SLC8A1: variants seen among roughly 807,000 people sequenced by gnomAD.
SLC8A1 encodes the protein solute carrier family 8 member A1.
Under a neutral mutation model 68.3 loss-of-function variants are expected in SLC8A1, and 18 were observed. The observed-to-expected ratio is 0.26, with a 90% CI of 0.18 to 0.39. SLC8A1 has a LOEUF of 0.39. Ranked by LOEUF, SLC8A1 falls within the 10% of genes least tolerant of loss-of-function variation. The pLI, the probability that SLC8A1 is intolerant of heterozygous loss-of-function variation, is 1.00. For synonymous variants in SLC8A1, 475 were observed against 415.5 expected, an observed-to-expected ratio of 1.14 and a Z score of -1.74; for missense variants, 985 against 1,156.7, an observed-to-expected ratio of 0.85 and a Z score of 2.15.
At chr2:40,160,396 A>G (rs888772800) in intron 6 of SLC8A1, among the ~76,000 whole-genome samples, 1 of 152,100 alleles carries the variant, frequency 6.6e-6, no homozygotes, top group African/African-American at 2.4e-5. Flanking sequence ...CTTTCCACCT[A>G]GGATTTTGCT....
chr2:40,313,230 G>C (rs1402608208), intron 2 of SLC8A1, among the ~76,000 whole-genome samples: 1 of 151,962 alleles, frequency 6.6e-6, no homozygotes, highest in Non-Finnish European at 1.5e-5. Flanking sequence ...CTTTCACTCA[G>C]CCTAATTATT....
chr2:40,215,938 A>G (rs2057403308), intron 2 of SLC8A1, among the ~76,000 whole-genome samples: 1 of 151,484 alleles, frequency 6.6e-6, no homozygotes, highest in African/African-American at 2.4e-5. Flanking sequence ...CACTGGTGTC[A>G]TATCTGACAA....
At chr2:40,380,827 GAGGGTTACC>G (rs1452306173) in intron 2 of SLC8A1, among the ~76,000 whole-genome samples, 1 of 152,078 alleles carries the variant, frequency 6.6e-6, no homozygotes, top group Non-Finnish European at 1.5e-5. Context: ...CTACTAAAAT[GAGGGTTACC>G]AGGTGTCCTA....
intron 2 of SLC8A1, among the ~76,000 whole-genome samples, chr2:40,198,110 CA>C (rs1241333681): frequency 4.6e-5 from 7 of 151,764 alleles, no homozygotes; most frequent in Non-Finnish European, 5.9e-5. Context: ...CAACTCTGGT[CA>C]GTTGAAAAAG....
chr2:40,220,124 T>C (rs2058098390), intron 2 of SLC8A1: 1 of 147,266 alleles, frequency 6.8e-6, no homozygotes, highest in African/African-American at 2.5e-5. Context: ...AAAAGGAGAA[T>C]AATTGTTGCT....
At chr2:40,266,876 C>T (rs2065423569) in intron 2 of SLC8A1, among the ~76,000 whole-genome samples, 1 of 152,148 alleles carries the variant, frequency 6.6e-6, no homozygotes, top group Admixed American at 6.6e-5. Context: ...ACAGGCATGA[C>T]TGGCTTATTA....
At chr2:40,372,346 T>C (rs1032579230) in intron 2 of SLC8A1, among the ~76,000 whole-genome samples, 1 of 152,122 alleles carries the variant, frequency 6.6e-6, no homozygotes, top group Non-Finnish European at 1.5e-5. Context: ...TCTGTTAACC[T>C]TGGCAAAATT....
At chr2:40,320,436 T>G (rs544049596) in intron 2 of SLC8A1, among the ~76,000 whole-genome samples, 5 of 152,160 alleles carry the variant, frequency 3.3e-5, no homozygotes, top group Non-Finnish European at 7.4e-5. Flanking sequence ...AAATATAATT[T>G]ACTTTTAATG....
intron 4 of SLC8A1, 155 bp from the exon 8 acceptor site, chr2:40,165,139 G>C (rs1241955745): frequency 2.4e-6 from 2 of 819,396 alleles, no homozygotes; most frequent in African/African-American, 1.7e-5. Context: ...GAGCCAGACA[G>C]ACACTTGGCA....
At chr2:40,444,232 A>G (rs1478464808) in intron 1 of SLC8A1, among the ~76,000 whole-genome samples, 2 of 152,128 alleles carry the variant, frequency 1.3e-5, no homozygotes, top group Non-Finnish European at 2.9e-5. Context: ...CCAGCTACTC[A>G]GGAGGCTGAG....
At chr2:40,177,042 AT>A (rs979011183) in intron 3 of SLC8A1, among the ~76,000 whole-genome samples, 1 of 59,846 alleles carries the variant, frequency 1.7e-5, no homozygotes, top group Non-Finnish European at 4.6e-5. Flanking sequence ...CACTACTTTT[AT>A]TTTTTCTTTT....
intron 6 of SLC8A1, among the ~76,000 whole-genome samples, chr2:40,143,020 C>T (rs974798103): frequency 6.6e-6 from 1 of 151,968 alleles, no homozygotes; most frequent in African/African-American, 2.4e-5. Context: ...TCCAATATCA[C>T]AAAGAATCTT....
intron 2 of SLC8A1, among the ~76,000 whole-genome samples, chr2:40,309,006 T>C (rs562665034): frequency 6.6e-6 from 1 of 152,320 alleles, no homozygotes; most frequent in South Asian, 2.1e-4. Flanking sequence ...GAAATTGCAT[T>C]CATGCAACCT....
intron 1 of SLC8A1, among the ~76,000 whole-genome samples, chr2:40,430,619 T>C (rs1045967199): frequency 2.0e-5 from 3 of 152,200 alleles, no homozygotes; most frequent in African/African-American, 7.2e-5. Flanking sequence ...TCAATTTATA[T>C]AGCCTTGCCT....
chr2:40,372,598 T>G (rs971014981), intron 2 of SLC8A1, among the ~76,000 whole-genome samples: 15 of 152,140 alleles, frequency 9.9e-5, no homozygotes, highest in Non-Finnish European at 1.0e-4. Context: ...TCTTTTTTTC[T>G]CCTTTCTCTA....
intron 2 of SLC8A1, among the ~76,000 whole-genome samples, chr2:40,238,263 T>A (rs532642912): frequency 1.3e-5 from 2 of 152,302 alleles, no homozygotes; most frequent in East Asian, 3.9e-4. Context: ...TGAGACTCCG[T>A]GGGCGTAGGA....
intron 2 of SLC8A1, among the ~76,000 whole-genome samples, chr2:40,268,526 C>T (rs1477216348): frequency 6.6e-6 from 1 of 152,106 alleles, no homozygotes; most frequent in East Asian, 1.9e-4. Flanking sequence ...CTTGGTACCC[C>T]CCATTAATGT....
chr2:40,430,265 G>A lies in SLC8A1; in HGVS notation c.16C>T (p.Arg6Ter), dbSNP rs767111343. 20 of 1,610,550 alleles carry A rather than the reference G, an allele frequency of 1.2e-5. No individual in the cohort carries two copies. The highest frequency in any genetic ancestry group is 1.7e-5 in the Non-Finnish European group (20 of 1,178,440). ...GAAAAGGTGGGTGAAAGACTTAATC[G>A]CCGCATGTTGTACATGACACTTCCA... The change falls in exon 2 of 8, where the codon CGA becomes TGA. Residue 6 changes from arginine (R) to a stop codon, truncating the protein, a stop_gained. Coordinates refer to ENST00000406785, the Ensembl canonical transcript of SLC8A1. LOFTEE classifies it high-confidence loss of function.
chr2:40,411,393 T>C (rs1401939154), intron 2 of SLC8A1, among the ~76,000 whole-genome samples: 1 of 152,086 alleles, frequency 6.6e-6, no homozygotes, highest in African/African-American at 2.4e-5. Flanking sequence ...CCATTAGGAA[T>C]GTAAATTCAG....
Sources: gnomAD v4.1 joint callset for allele counts (sites outside exome capture counted in the v4.1 genomes callset) on GRCh38, gnomAD v4.1.1 for gene constraint, MANE v1.5 for transcripts, NCBI Gene and HGNC (gene_info 2026-07-23, HGNC 2026-07-21) for gene names.